ANKRD52: variants seen among roughly 807,000 people sequenced by gnomAD.
ANKRD52 encodes ankyrin repeat domain 52.
Under a neutral mutation model 116.0 loss-of-function variants are expected in ANKRD52, and 7 were observed. The ratio of observed to expected loss-of-function variants is 0.06; its 90% CI spans 0.03 to 0.11. The LOEUF is 0.11. Ranked by LOEUF, ANKRD52 falls within the 10% of genes least tolerant of loss-of-function variation. The probability of loss-of-function intolerance (pLI) is 1.00; values close to 1 mark genes in which losing one functional copy is unlikely to be tolerated. For synonymous variants in ANKRD52, 528 were observed against 578.1 expected, an observed-to-expected ratio of 0.91 and a Z score of 1.24; for missense variants, 839 against 1,408.6, an observed-to-expected ratio of 0.60 and a Z score of 6.47.
At position 56,243,774 on chromosome 12, in the gene ANKRD52, A is replaced by G. The variant is rs1235968194; in HGVS notation, c.2980+11T>C. On this transcript the variant is annotated intron_variant, in intron 27 of 27. Coordinates refer to ENST00000267116, the MANE Select transcript of ANKRD52 (RefSeq NM_173595.4). The surrounding 1 kb of genome is among the most constrained non-coding windows in gnomAD (Gnocchi z 4.6). ...ACCCAAGAGAGGCATGGGGCCCCAGACCCCACCCACCTTCTTCATCCACAG... is the reference window on the plus strand; with the variant it reads ...ACCCAAGAGAGGCATGGGGCCCCAGGCCCCACCCACCTTCTTCATCCACAG... 9 of 1,552,840 alleles carry G rather than the reference A, an allele frequency of 5.8e-6. No homozygotes were observed. Among genetic ancestry groups the G allele is most frequent in the Non-Finnish European group, 6.1e-6 (7 of 1,147,666 alleles).
Position 56,237,970 on chromosome 12 carries a change from T to G in ANKRD52, c.*5172A>C. The G allele has an allele frequency of 3.9e-5, 11 of 281,726 alleles. No individual in the cohort carries two copies. Among genetic ancestry groups the G allele is most frequent in the Non-Finnish European group, 5.2e-5 (8 of 153,782 alleles). 17.5% of individuals were successfully genotyped at this position (281,726 alleles called of 1,614,324 possible). A position where few individuals can be genotyped will look rare whatever the true frequency, so the allele number is the denominator to read the frequency against. ...CCTGGAGGGTGCAGGGTCATTAATC[T>G]GCGGGGAGAACATTGTGCTTTAGCC... On this transcript the variant is annotated 3_prime_UTR_variant, in exon 28 of 28. Coordinates refer to ENST00000267116, the MANE Select transcript of ANKRD52 (RefSeq NM_173595.4).
rs775243213 is a variant in ANKRD52, at chr12:56,240,484, G to A, written c.*2658C>T. ...AGGGCTGCGGTGGGGAGAGGGGGGAGGGGGAGGGCAAAGGGAAGGCGCTGT... is the reference window on the plus strand; with the variant it reads ...AGGGCTGCGGTGGGGAGAGGGGGGAAGGGGAGGGCAAAGGGAAGGCGCTGT... On this transcript the variant is annotated 3_prime_UTR_variant, in exon 28 of 28. Transcript: ENST00000267116. The surrounding 1 kb of genome is among the most constrained non-coding windows in gnomAD (Gnocchi z 4.2). The A allele has an allele frequency of 1.3e-5, 2 of 152,170 alleles. No individual in the cohort carries two copies. Among genetic ancestry groups the A allele is most frequent in the Admixed American group, 1.3e-4 (2 of 15,284 alleles). 9.4% of individuals were successfully genotyped at this position (152,170 alleles called of 1,614,324 possible).
At position 56,243,892 on chromosome 12, in the gene ANKRD52, AAAG is replaced by A. The variant is rs769428009; in HGVS notation, c.2889-19_2889-17del. 20 of 1,573,164 alleles carry A rather than the reference AAAG, an allele frequency of 1.3e-5. No homozygotes were observed. The highest frequency in any genetic ancestry group is 9.4e-5 in the Admixed American group (5 of 53,062). On this transcript the variant is annotated splice_polypyrimidine_tract_variant and intron_variant, in intron 26 of 27. Coordinates refer to ENST00000267116, the MANE Select transcript of ANKRD52 (RefSeq NM_173595.4). The surrounding 1 kb of genome is among the most constrained non-coding windows in gnomAD (Gnocchi z 4.6). ...GTGGAGTGGCCTTGGAAAAAAGGAAAAAGAAGGAGCTTGATGCTAAGCTGCCCT... is the reference window on the plus strand; with the variant it reads ...GTGGAGTGGCCTTGGAAAAAAGGAAAAAGGAGCTTGATGCTAAGCTGCCCT...
Position 56,238,968 on chromosome 12 carries a change from CAA to C in ANKRD52, c.*4172_*4173del, listed in dbSNP as rs1006203451. On this transcript the variant is annotated 3_prime_UTR_variant, in exon 28 of 28. Coordinates refer to ENST00000267116, the MANE Select transcript of ANKRD52 (RefSeq NM_173595.4). ...AGGCGGTCCCCAACTTCCCTGGGGG[CAA>C]AGTCAGGCTTCCAGATTCCCCAGGG... The C allele has an allele frequency of 1.1e-4, 16 of 152,276 alleles. No individual in the cohort carries two copies. The highest frequency in any genetic ancestry group is 3.9e-4 in the African/African-American group (16 of 41,446). The allele number at this position is 152,276 out of a possible 1,614,324, so 9.4% of individuals were successfully genotyped here. A position where few individuals can be genotyped will look rare whatever the true frequency, so the allele number is the denominator to read the frequency against.
rs1250001216 is a variant in ANKRD52, at chr12:56,244,813, C to G, written c.2577-16G>C. 6.2e-7 allele frequency: 1 copy of G among 1,613,784 alleles called. No individual in the cohort carries two copies. The highest frequency in any genetic ancestry group is 1.7e-5 in the Admixed American group (1 of 59,998). The stretch of plus-strand genomic sequence containing the variant: ...AAGGGGGGTCCTGTAAGGCAGGGAT[C>G]AGGGTAGATTAAAATAGGGAAGAGT... On this transcript the variant is annotated splice_polypyrimidine_tract_variant and intron_variant, in intron 23 of 27. Coordinates refer to ENST00000267116, the MANE Select transcript of ANKRD52 (RefSeq NM_173595.4). This position sits in a 1 kb window ranked among gnomAD's most constrained non-coding sequence, Gnocchi z 4.9.
chr12:56,244,903 C>A lies in ANKRD52; in HGVS notation c.2576+3G>T. ...GATTCTTCCCAAGTCTTCCATCACT[C>A]ACCGTCCTTTGGCATCTCGGCTGTT... On this transcript the variant is annotated splice_donor_region_variant and intron_variant, in intron 23 of 27. Coordinates refer to ENST00000267116, the MANE Select transcript of ANKRD52 (RefSeq NM_173595.4). This position sits in a 1 kb window ranked among gnomAD's most constrained non-coding sequence, Gnocchi z 4.9. 1 of 1,613,986 alleles carries A rather than the reference C, an allele frequency of 6.2e-7. No homozygotes were observed.
chr12:56,254,847 C>T lies in ANKRD52; in HGVS notation c.550+18G>A. ...CCTAAATGTCAAATTTCTGATTTTCCCGTGTATTCTCTCTCACCTAGAAAA... is the reference window on the plus strand; with the variant it reads ...CCTAAATGTCAAATTTCTGATTTTCTCGTGTATTCTCTCTCACCTAGAAAA... On this transcript the variant is annotated intron_variant, in intron 6 of 27. Transcript: ENST00000267116. The surrounding 1 kb of genome is among the most constrained non-coding windows in gnomAD (Gnocchi z 4.6). 6.2e-7 allele frequency: 1 copy of T among 1,609,102 alleles called. No individual in the cohort carries two copies. Among genetic ancestry groups the T allele is most frequent in the South Asian group, 1.1e-5 (1 of 91,018 alleles).
chr12:56,240,898 G>C lies in ANKRD52; in HGVS notation c.*2244C>G, dbSNP rs1871139524. ...GCTTCCCGCCATCACCAAACATCAC[G>C]AAAGGAGAACACGACTCACACCCGG... On this transcript the variant is annotated 3_prime_UTR_variant, in exon 28 of 28. Coordinates refer to ENST00000267116, the MANE Select transcript of ANKRD52 (RefSeq NM_173595.4). This position sits in a 1 kb window ranked among gnomAD's most constrained non-coding sequence, Gnocchi z 4.2. The C allele has an allele frequency of 6.6e-6, 1 of 152,198 alleles. No homozygotes were observed. Among genetic ancestry groups the C allele is most frequent in the Non-Finnish European group, 1.5e-5 (1 of 68,052 alleles). The allele number at this position is 152,198 out of a possible 1,614,324, so 9.4% of individuals were successfully genotyped here. A position where few individuals can be genotyped will look rare whatever the true frequency, so the allele number is the denominator to read the frequency against.
chr12:56,247,831 T>G (rs1440093160), intron 18 of ANKRD52, 57 bp from the exon 19 acceptor site: 6 of 1,552,056 alleles, frequency 3.9e-6, no homozygotes, highest in Non-Finnish European at 5.3e-6. Context: ...GGAGGCAAGG[T>G]CAAGCCTAAA....
Position 56,241,593 on chromosome 12 carries a change from G to C in ANKRD52, c.*1549C>G, listed in dbSNP as rs1031017398. On this transcript the variant is annotated 3_prime_UTR_variant, in exon 28 of 28. Coordinates refer to ENST00000267116, the MANE Select transcript of ANKRD52 (RefSeq NM_173595.4). The stretch of plus-strand genomic sequence containing the variant: ...TGTCCAGTTCTCAGGGGACAATACT[G>C]ATGGCAGCCAAACTGGGCAAGGATG... 1 of 177,516 alleles carries C rather than the reference G, an allele frequency of 5.6e-6. No homozygotes were observed. The highest frequency in any genetic ancestry group is 2.4e-5 in the African/African-American group (1 of 42,534). 11.0% of individuals were successfully genotyped at this position (177,516 alleles called of 1,614,324 possible). A position where few individuals can be genotyped will look rare whatever the true frequency, so the allele number is the denominator to read the frequency against.
intron 15 of ANKRD52, among the ~76,000 whole-genome samples, chr12:56,251,243 TTTTTAA>T (rs962270253): frequency 6.6e-5 from 10 of 151,362 alleles, no homozygotes; most frequent in African/African-American, 9.7e-5. Flanking sequence ...ACCCGGCCTA[TTTTTAA>T]TTTTAATTTT....
At chr12:56,256,781 C>A (rs1443083574) in intron 4 of ANKRD52, among the ~76,000 whole-genome samples, 1 of 152,134 alleles carries the variant, frequency 6.6e-6, no homozygotes, top group Non-Finnish European at 1.5e-5. Flanking sequence ...GGCAGCAGGG[C>A]CCCCGCAGTC....
At position 56,239,532 on chromosome 12, in the gene ANKRD52, G is replaced by C. The variant is rs1341481391; in HGVS notation, c.*3610C>G. ...GGGATGAACACTGGGTATGGGAAGTGGGTGAGAAATGGCTGAGAGGGAAGG... is the reference window on the plus strand; with the variant it reads ...GGGATGAACACTGGGTATGGGAAGTCGGTGAGAAATGGCTGAGAGGGAAGG... On this transcript the variant is annotated 3_prime_UTR_variant, in exon 28 of 28. Coordinates refer to ENST00000267116, the MANE Select transcript of ANKRD52 (RefSeq NM_173595.4). 1 of 152,412 alleles carries C rather than the reference G, an allele frequency of 6.6e-6. No individual in the cohort carries two copies. The highest frequency in any genetic ancestry group is 1.5e-5 in the Non-Finnish European group (1 of 68,202). 9.4% of individuals were successfully genotyped at this position (152,412 alleles called of 1,614,324 possible). A position where few individuals can be genotyped will look rare whatever the true frequency, so the allele number is the denominator to read the frequency against.
rs921098696 is a variant in ANKRD52, at chr12:56,248,305, C to T, written c.1777-81G>A. On this transcript the variant is annotated intron_variant, in intron 17 of 27. Coordinates refer to ENST00000267116, the MANE Select transcript of ANKRD52 (RefSeq NM_173595.4). The surrounding 1 kb of genome is among the most constrained non-coding windows in gnomAD (Gnocchi z 5.1). ...TTCCCCTTCTCTGCTCTTGGGGTCC[C>T]TGGGAAGCTCAAGGTCTTAGTCCTT... The T allele has an allele frequency of 2.6e-6, 4 of 1,548,074 alleles. No homozygotes were observed. The African/African-American group carries it at 4.1e-5, about 16-fold the overall frequency.
chr12:56,254,524 A>G lies in ANKRD52; in HGVS notation c.693+54T>C. 6.3e-7 allele frequency: 1 copy of G among 1,597,260 alleles called. No homozygotes were observed. The highest frequency in any genetic ancestry group is 8.5e-7 in the Non-Finnish European group (1 of 1,171,958). ...ATACCTCATATCTCCGTAACAGACT[A>G]TAATCTCCTACTTGCTGCCCATAGT... On this transcript the variant is annotated intron_variant, in intron 7 of 27. Transcript: ENST00000267116. The surrounding 1 kb of genome is among the most constrained non-coding windows in gnomAD (Gnocchi z 4.6).
chr12:56,258,300 T>G lies in ANKRD52; in HGVS notation c.-31A>C, dbSNP rs1302373786. 19 of 1,542,436 alleles carry G rather than the reference T, an allele frequency of 1.2e-5. No homozygotes were observed. The highest frequency in any genetic ancestry group is 1.7e-5 in the Non-Finnish European group (19 of 1,147,908). On this transcript the variant is annotated 5_prime_UTR_variant, in exon 1 of 28. Transcript: ENST00000267116. ...GGCCCGGGCTCCGTCCGCATCGAGC[T>G]CCCGGCGGCGGCGGCGGCGGCTCCA...
Position 56,244,342 on chromosome 12 carries a change from C to T in ANKRD52, c.2805+11G>A, listed in dbSNP as rs772928367. 40 of 1,613,536 alleles carry T rather than the reference C, an allele frequency of 2.5e-5. No individual in the cohort carries two copies. The highest frequency in any genetic ancestry group is 3.1e-5 in the Non-Finnish European group (37 of 1,179,586). ...CCCTTATGCAGTCCCCCAATCACTT[C>T]AGGTAAGTACCTTGCTACAAGCCAA... On this transcript the variant is annotated intron_variant, in intron 25 of 27. Coordinates refer to ENST00000267116, the MANE Select transcript of ANKRD52 (RefSeq NM_173595.4). This position sits in a 1 kb window ranked among gnomAD's most constrained non-coding sequence, Gnocchi z 4.9.
Position 56,253,850 on chromosome 12 carries a change from G to A in ANKRD52, c.907-50C>T. ...TTTTTGTTTTTTTTTCCAGTGCAAA[G>A]CACAGAGAATGCCCTACCTCCCTTC... On this transcript the variant is annotated intron_variant, in intron 8 of 27. Coordinates refer to ENST00000267116, the MANE Select transcript of ANKRD52 (RefSeq NM_173595.4). This position sits in a 1 kb window ranked among gnomAD's most constrained non-coding sequence, Gnocchi z 5.5. 1 of 1,576,718 alleles carries A rather than the reference G, an allele frequency of 6.3e-7. No individual in the cohort carries two copies. Among genetic ancestry groups the A allele is most frequent in the Non-Finnish European group, 8.7e-7 (1 of 1,147,624 alleles).
At position 56,241,861 on chromosome 12, in the gene ANKRD52, T is replaced by C. The variant is rs1871183504; in HGVS notation, c.*1281A>G. 1 of 397,582 alleles carries C rather than the reference T, an allele frequency of 2.5e-6. No homozygotes were observed. The highest frequency in any genetic ancestry group is 4.4e-5 in the Admixed American group (1 of 22,730). 24.6% of individuals were successfully genotyped at this position (397,582 alleles called of 1,614,324 possible). On this transcript the variant is annotated 3_prime_UTR_variant, in exon 28 of 28. Transcript: ENST00000267116. ...CAGTTTGGCTTTTGGGGTGCGACTTTAGAAATCTTATCAGTGCAGCCCCCA... is the reference window on the plus strand; with the variant it reads ...CAGTTTGGCTTTTGGGGTGCGACTTCAGAAATCTTATCAGTGCAGCCCCCA...
Sources: gnomAD v4.1 joint callset for allele counts (sites outside exome capture counted in the v4.1 genomes callset) on GRCh38, gnomAD v4.1.1 for gene constraint, Gnocchi (gnomAD v3.1) non-coding constraint, MANE v1.5 for transcripts, NCBI Gene and HGNC (gene_info 2026-07-23, HGNC 2026-07-21) for gene names.